TXNDC5: variants seen among roughly 807,000 people sequenced by gnomAD.
TXNDC5 encodes thioredoxin domain containing 5, also known as thioredoxin domain-containing protein 5.
TXNDC5 carries 44 observed loss-of-function variants against 52.6 expected under a neutral mutation model. The observed-to-expected ratio is 0.84, with a 90% CI of 0.66 to 1.08. The LOEUF is 1.08. Ranked by LOEUF, TXNDC5 falls within the 50% of genes least tolerant of loss-of-function variation. The probability of loss-of-function intolerance (pLI) is 0.00; values close to 1 mark genes in which losing one functional copy is unlikely to be tolerated. For missense variants in TXNDC5, 600 were observed against 565.5 expected, an observed-to-expected ratio of 1.06 and a Z score of -0.62; for synonymous variants, 241 against 234.4, an observed-to-expected ratio of 1.03 and a Z score of -0.26.
intron 1 of TXNDC5, among the ~76,000 whole-genome samples, chr6:7,908,520 A>T (rs1489326174): frequency 1.5e-5 from 1 of 65,648 alleles, no homozygotes; most frequent in African/African-American, 5.7e-5. Flanking sequence ...TTTTTCTTTA[A>T]AAAAAAAAAA....
chr6:7,886,157 G>C, intron 7 of TXNDC5, 114 bp from the exon 8 acceptor site: 2 of 822,354 alleles, frequency 2.4e-6, no homozygotes, highest in Non-Finnish European at 3.9e-6. Flanking sequence ...AGTTACGTAG[G>C]CTCCAAGGTC....
intron 1 of TXNDC5, among the ~76,000 whole-genome samples, chr6:7,905,847 G>A (rs1760712671): frequency 6.6e-6 from 1 of 152,000 alleles, no homozygotes; most frequent in Admixed American, 6.6e-5. Flanking sequence ...AAACACACTT[G>A]CTTATATGAA....
At chr6:7,903,078 T>C (rs560688749) in intron 2 of TXNDC5, among the ~76,000 whole-genome samples, 15 of 152,270 alleles carry the variant, frequency 9.9e-5, no homozygotes, top group South Asian at 2.1e-4. Flanking sequence ...AGGCCACAGA[T>C]GGTCAGCAGG....
In TXNDC5 at chr6:7,894,722, C is replaced by G. The variant is rs899441627; in HGVS notation, c.616+384G>C. 4 of 985,286 alleles carry G rather than the reference C, an allele frequency of 4.1e-6. No individual in the cohort carries two copies. The African/African-American group carries it at 7.0e-5, about 17-fold the overall frequency. The allele number at this position is 985,286 out of a possible 1,614,324, so 61.0% of individuals were successfully genotyped here. A position where few individuals can be genotyped will look rare whatever the true frequency, so the allele number is the denominator to read the frequency against. Reference sequence around the variant, plus strand: ...TAAGCACAAGCTGCTGGAAAAACCGCTAGACCTGCCAGATGCTGGGCTGCC... The same window carrying G: ...TAAGCACAAGCTGCTGGAAAAACCGGTAGACCTGCCAGATGCTGGGCTGCC... On this transcript the variant is annotated intron_variant, in intron 4 of 9. Coordinates refer to ENST00000379757, the MANE Select transcript of TXNDC5 (RefSeq NM_030810.5).
chr6:7,895,364 G>A (rs942181861), intron 3 of TXNDC5, among the ~76,000 whole-genome samples, 162 bp from the exon 4 acceptor site: 6 of 152,056 alleles, frequency 3.9e-5, no homozygotes, highest in African/African-American at 1.2e-4. Context: ...GCCAGGTCAG[G>A]AACTGATCTC....
chr6:7,889,831 C>A (rs1760130287), intron 5 of TXNDC5, among the ~76,000 whole-genome samples: 1 of 152,144 alleles, frequency 6.6e-6, no homozygotes, highest in Admixed American at 6.5e-5. Flanking sequence ...GTTAAACATG[C>A]CGGTTTTTAG....
chr6:7,885,336 G>A (rs958282992), intron 8 of TXNDC5, among the ~76,000 whole-genome samples: 1 of 152,102 alleles, frequency 6.6e-6, no homozygotes, highest in Admixed American at 6.5e-5. Context: ...TTCAGCTGAG[G>A]GAACTGGGGT....
intron 4 of TXNDC5, 38 bp from the exon 5 acceptor site, chr6:7,891,774 G>A (rs1217645090): frequency 1.4e-6 from 2 of 1,463,452 alleles, no homozygotes; most frequent in African/African-American, 2.8e-5. Flanking sequence ...GGGGAAAGAG[G>A]AACTGTAATT....
intron 2 of TXNDC5, among the ~76,000 whole-genome samples, chr6:7,901,291 G>A (rs1221835837): frequency 1.3e-5 from 2 of 152,060 alleles, no homozygotes; most frequent in South Asian, 4.1e-4. Flanking sequence ...GGTGTGTTCC[G>A]CACCTGGAAA....
At chr6:7,891,446 A>G (rs1441986998) in intron 5 of TXNDC5, among the ~76,000 whole-genome samples, 175 bp downstream of exon 5, 3 of 152,250 alleles carry the variant, frequency 2.0e-5, no homozygotes, top group African/African-American at 4.8e-5. Context: ...AAAAGCCAGC[A>G]AAACTCAAAA....
Position 7,885,950 on chromosome 6 carries a change from C to G in TXNDC5, c.1046+11G>C. 6.2e-7 allele frequency: 1 copy of G among 1,613,282 alleles called. No homozygotes were observed. The highest frequency in any genetic ancestry group is 1.3e-5 in the African/African-American group (1 of 74,986). The stretch of plus-strand genomic sequence containing the variant: ...ATGGACAAAGTAGTTTCTAATTAAA[C>G]AGCCACTTACCATGGAGCATAAAAC... On this transcript the variant is annotated intron_variant, in intron 8 of 9. Coordinates refer to ENST00000379757, the MANE Select transcript of TXNDC5 (RefSeq NM_030810.5).
intron 3 of TXNDC5, among the ~76,000 whole-genome samples, chr6:7,899,290 G>C (rs923014196): frequency 5.3e-5 from 8 of 152,180 alleles, no homozygotes; most frequent in Non-Finnish European, 1.2e-4. Flanking sequence ...CAAGGCGCAG[G>C]GTGGTGGGGA....
chr6:7,896,107 TGAG>T (rs1760361417), intron 3 of TXNDC5, among the ~76,000 whole-genome samples: 1 of 151,984 alleles, frequency 6.6e-6, no homozygotes, highest in Non-Finnish European at 1.5e-5. Flanking sequence ...GGGAAAACTG[TGAG>T]GAAGACACAA....
chr6:7,909,043 G>T (rs1760823187), intron 1 of TXNDC5, among the ~76,000 whole-genome samples: 2 of 152,104 alleles, frequency 1.3e-5, no homozygotes, highest in African/African-American at 2.4e-5. Context: ...CGAGTCAGTT[G>T]GTTCTTAGGA....
intron 7 of TXNDC5, among the ~76,000 whole-genome samples, chr6:7,886,582 G>C (rs1264084141): frequency 6.6e-6 from 1 of 152,162 alleles, no homozygotes; most frequent in Non-Finnish European, 1.5e-5. Flanking sequence ...GTTTTACATT[G>C]AACATAAAAA....
intron 4 of TXNDC5, among the ~76,000 whole-genome samples, chr6:7,893,077 CAT>C (rs1453517421): frequency 6.6e-6 from 1 of 152,184 alleles, no homozygotes; most frequent in Non-Finnish European, 1.5e-5. Flanking sequence ...AAAAATGAAA[CAT>C]CACCCCCTTG....
chr6:7,899,756 C>A (rs1760501213), intron 2 of TXNDC5, 75 bp from the exon 3 acceptor site: 49 of 1,226,214 alleles, frequency 4.0e-5, no homozygotes, highest in Non-Finnish European at 5.7e-5. Flanking sequence ...TTTAGTGAAA[C>A]AATCAGAAAA....
chr6:7,900,719 G>A (rs924330587), intron 2 of TXNDC5, among the ~76,000 whole-genome samples: 19 of 152,182 alleles, frequency 1.2e-4, no homozygotes, highest in African/African-American at 4.6e-4. Flanking sequence ...CAAGGTGCCA[G>A]CAGAGTCAGT....
chr6:7,896,858 A>G (rs1225098176), intron 3 of TXNDC5, among the ~76,000 whole-genome samples: 1 of 152,236 alleles, frequency 6.6e-6, no homozygotes, highest in Non-Finnish European at 1.5e-5. Context: ...TCCCAGAAAC[A>G]GGTCACGTCT....
Sources: gnomAD v4.1 joint callset for allele counts (sites outside exome capture counted in the v4.1 genomes callset) on GRCh38, gnomAD v4.1.1 for gene constraint, MANE v1.5 for transcripts, NCBI Gene and HGNC (gene_info 2026-07-23, HGNC 2026-07-21) for gene names.